Variants in GYG2 observed in about 807,000 individuals in gnomAD.
The protein encoded by GYG2 is glycogenin-2.
Under a neutral mutation model 29.4 loss-of-function variants are expected in GYG2, and 29 were observed. That is an observed-to-expected ratio of 0.99 (90% CI 0.74 to 1.35). GYG2 has a LOEUF of 1.35. GYG2 is among the 40% of genes most tolerant of loss of function. The pLI, the probability that GYG2 is intolerant of heterozygous loss-of-function variation, is 0.00. For synonymous variants in GYG2, 167 were observed against 172.3 expected, an observed-to-expected ratio of 0.97 and a Z score of 0.24; for missense variants, 370 against 385.7, an observed-to-expected ratio of 0.96 and a Z score of 0.34.
At chrX:2,849,429 A>C (rs986022381) in intron 3 of GYG2, among the ~76,000 whole-genome samples, 5 of 111,994 alleles carry the variant, frequency 4.5e-5, no homozygotes, top group Admixed American at 3.8e-4. Context: ...AATATCTGTC[A>C]AATAGGAGAG....
chrX:2,860,643 C>CTT (rs140288633), intron 7 of GYG2, among the ~76,000 whole-genome samples: 12 of 80,403 alleles, frequency 1.5e-4, no homozygotes, highest in Admixed American at 1.1e-3. Context: ...AAAACTTGAG[C>CTT]TTTTTTTTTT....
chrX:2,881,050 A>G lies in GYG2; in HGVS notation c.1252-2A>G. The G allele has an allele frequency of 1.7e-6, 2 of 1,208,866 alleles. No individual in the cohort carries two copies. Among genetic ancestry groups the G allele is most frequent in the South Asian group, 3.5e-5 (2 of 56,485 alleles). ...CCATCTCCCACTGACTGTCTTCCCT[A>G]GGTCGACCTGGCCGTCTCTGTTTCC... On this transcript the variant is annotated splice_acceptor_variant, in intron 10 of 10. Transcript: ENST00000398806. LOFTEE classifies it high-confidence loss of function.
chrX:2,868,913 C>G (rs980201252), intron 8 of GYG2, among the ~76,000 whole-genome samples: 1 of 110,327 alleles, frequency 9.1e-6, no homozygotes, highest in Non-Finnish European at 1.9e-5. Context: ...TCACATTTTC[C>G]AAGATAATAT....
At position 2,845,769 on chromosome X, in the gene GYG2, G is replaced by A. The variant is rs1160106262; in HGVS notation, c.149+2415G>A. ...TTTATGCATGTGTATGTATATATAT[G>A]CATGTGTATGTATATATATACATGT... On this transcript the variant is annotated intron_variant, in intron 3 of 10. Coordinates refer to ENST00000398806, the MANE Select transcript of GYG2 (RefSeq NM_001079855.2). 3.9e-5 allele frequency among the ~76,000 whole-genome samples: 4 copies of A among 102,964 alleles called. No homozygotes were observed. The South Asian group carries it at 1.3e-3, about 32-fold the overall frequency. 89.4% of individuals were successfully genotyped at this position (102,964 alleles called of 115,157 possible). A position where few individuals can be genotyped will look rare whatever the true frequency, so the allele number is the denominator to read the frequency against.
intron 8 of GYG2, among the ~76,000 whole-genome samples, chrX:2,869,049 G>A (rs890910151): frequency 9.2e-6 from 1 of 108,195 alleles, no homozygotes; most frequent in South Asian, 4.0e-4. Context: ...CTGTCCATAC[G>A]GTATCTGATA....
intron 3 of GYG2, among the ~76,000 whole-genome samples, chrX:2,852,502 A>G (rs997816991): frequency 1.8e-5 from 2 of 112,162 alleles, no homozygotes; most frequent in African/African-American, 3.2e-5. Context: ...AATGGAACAG[A>G]GCAAATTTCA....
chrX:2,850,840 C>G (rs2087855560), intron 3 of GYG2, among the ~76,000 whole-genome samples: 1 of 110,509 alleles, frequency 9.0e-6, no homozygotes, highest in Admixed American at 9.8e-5. Flanking sequence ...TTCGCTGACT[C>G]TCTTTTCGGA....
At chrX:2,829,631 G>C (rs1481730737) in intron 1 of GYG2, among the ~76,000 whole-genome samples, 5 of 106,985 alleles carry the variant, frequency 4.7e-5, no homozygotes, top group African/African-American at 1.7e-4. Flanking sequence ...AGGAGGTGCA[G>C]ATACTGGCGT....
At chrX:2,829,495 G>A (rs1363908288) in intron 1 of GYG2, 1 of 97,561 alleles carries the variant, frequency 1.0e-5, no homozygotes, top group African/African-American at 3.9e-5. Context: ...TGGGGAGGAT[G>A]GGCGGCAGGC....
intron 10 of GYG2, among the ~76,000 whole-genome samples, chrX:2,878,605 G>C (rs886975867): frequency 8.1e-5 from 9 of 111,180 alleles, no homozygotes; most frequent in Admixed American, 6.7e-4. Flanking sequence ...TCATGAGGTG[G>C]AGACTGGGTT....
intron 8 of GYG2, among the ~76,000 whole-genome samples, chrX:2,868,778 G>A (rs938702293): frequency 4.5e-5 from 5 of 110,883 alleles, no homozygotes; most frequent in East Asian, 2.8e-4. Context: ...CATGGCACAC[G>A]TATACCCGTG....
At position 2,881,083 on chromosome X, in the gene GYG2, C is replaced by A; in HGVS notation, c.1283C>A (p.Ser428Tyr). ...VDLAVSVSQISIEEKVKELSP... is the reference protein window; with the variant it reads ...VDLAVSVSQIYIEEKVKELSP... Reference sequence around the variant, plus strand: ...CTGGCCGTCTCTGTTTCCCAGATCTCCATCGAAGAGAAGGTGAAGGAATTG... The same window carrying A: ...CTGGCCGTCTCTGTTTCCCAGATCTACATCGAAGAGAAGGTGAAGGAATTG... The change falls in exon 11 of 11, where the codon TCC becomes TAC. Residue 428 changes from serine to tyrosine, a missense_variant. Coordinates refer to ENST00000398806, the MANE Select transcript of GYG2 (RefSeq NM_001079855.2). The A allele has an allele frequency of 2.5e-6, 3 of 1,209,609 alleles. No individual in the cohort carries two copies. The highest frequency in any genetic ancestry group is 3.4e-6 in the Non-Finnish European group (3 of 894,242).
At position 2,861,688 on chromosome X, in the gene GYG2, C is replaced by A. The variant is rs1343202876; in HGVS notation, c.1004C>A (p.Thr335Asn). The A allele has an allele frequency of 8.3e-6, 10 of 1,199,393 alleles. No individual in the cohort carries two copies. Among genetic ancestry groups the A allele is most frequent in the Non-Finnish European group, 1.1e-5 (10 of 888,171 alleles). ...GAGCCGACCCAGATAGTGGATGAGA[C>A]CCTGTCCCTACCTGAAGGACGCCGT... ...LPEPTQIVDE[T>N]LSLPEGRRSE... The change falls in exon 8 of 11, where the codon ACC becomes AAC. Residue 335 changes from threonine (T) to asparagine (N), a missense_variant. Coordinates refer to ENST00000398806, the MANE Select transcript of GYG2 (RefSeq NM_001079855.2).
At chrX:2,836,633 C>T (rs1348409223) in intron 2 of GYG2, among the ~76,000 whole-genome samples, 1 of 99,353 alleles carries the variant, frequency 1.0e-5, no homozygotes, top group South Asian at 5.1e-4. Flanking sequence ...GATGCTGCTG[C>T]TGCACTCCAG....
intron 2 of GYG2, among the ~76,000 whole-genome samples, chrX:2,832,133 T>G: frequency 8.8e-6 from 1 of 113,020 alleles, no homozygotes; most frequent in Non-Finnish European, 1.9e-5. Flanking sequence ...TGTCAATCAA[T>G]GTTTCATCTT....
At chrX:2,853,680 G>A (rs1210334143) in intron 3 of GYG2, 1 of 220,976 alleles carries the variant, frequency 4.5e-6, no homozygotes, top group Non-Finnish European at 8.1e-6. Context: ...TAAAGCTTCC[G>A]TCATTTAGCT....
chrX:2,876,764 C>A (rs965083255), intron 9 of GYG2, among the ~76,000 whole-genome samples: 8 of 108,379 alleles, frequency 7.4e-5, no homozygotes, highest in Non-Finnish European at 1.5e-4. Context: ...CTGGCTAACA[C>A]GGTGAAACCC....
chrX:2,869,607 G>C lies in GYG2; in HGVS notation c.1039-6203G>C, dbSNP rs748843896. Among the ~76,000 whole-genome samples, 23 of 112,252 alleles carry C rather than the reference G, an allele frequency of 2.0e-4. 1 individual carries two copies. Among genetic ancestry groups the C allele is most frequent in the Non-Finnish European group, 3.8e-4 (20 of 53,252 alleles). On this transcript the variant is annotated intron_variant, in intron 8 of 10. Coordinates refer to ENST00000398806, the MANE Select transcript of GYG2 (RefSeq NM_001079855.2). Reference sequence around the variant, plus strand: ...GCTCTTTAGTCCAGTAGCTACTTTGGTATATATAATGATGGCAAGGTTGAC... The same window carrying C: ...GCTCTTTAGTCCAGTAGCTACTTTGCTATATATAATGATGGCAAGGTTGAC...
chrX:2,870,051 A>G (rs1158926195), intron 8 of GYG2, among the ~76,000 whole-genome samples: 1 of 110,334 alleles, frequency 9.1e-6, no homozygotes. Context: ...GTCTTCTAGT[A>G]TTTGGGGTAG....
Sources: allele counts gnomAD v4.1 joint callset (sites outside exome capture counted in the v4.1 genomes callset), GRCh38; gene constraint gnomAD v4.1.1; transcripts MANE v1.5; gene names NCBI Gene and HGNC (gene_info 2026-07-23, HGNC 2026-07-21).